Variants in NAA38 observed in about 807,000 individuals in gnomAD.
NAA38 encodes N-alpha-acetyltransferase 38, NatC auxiliary subunit.
A neutral mutation model predicts 12.6 loss-of-function variants in NAA38; 15 were observed. The observed-to-expected ratio is 1.19, with a 90% CI of 0.79 to 1.83. The LOEUF is 1.83. Among genes scored for constraint, NAA38 ranks in the 40% most tolerant of loss-of-function variants. The probability of loss-of-function intolerance (pLI) is 0.00; values close to 1 mark genes in which losing one functional copy is unlikely to be tolerated. For synonymous variants in NAA38, 88 were observed against 69.9 expected, an observed-to-expected ratio of 1.26 and a Z score of -1.29; for missense variants, 183 against 171.7, an observed-to-expected ratio of 1.07 and a Z score of -0.37.
chr17:7,857,882 C>T (rs2078843301), upstream of NAA38: 1 of 1,392,496 alleles, frequency 7.2e-7, no homozygotes, highest in East Asian at 2.7e-5. Context: ...GAAAGCGGCG[C>T]AACTCAATTA....
chr17:7,871,448 AT>A (rs1299312004), intron 2 of NAA38, among the ~76,000 whole-genome samples: 1 of 151,812 alleles, frequency 6.6e-6, no homozygotes, highest in African/African-American at 2.4e-5. Context: ...CTACTTTTGT[AT>A]TTTTTTTCTA....
intron 3 of NAA38, chr17:7,863,870 C>T (rs1597876903): frequency 6.6e-6 from 1 of 152,198 alleles, no homozygotes; most frequent in East Asian, 1.9e-4. Flanking sequence ...AATGGTCTGC[C>T]TCAGCCTGTG....
chr17:7,858,042 C>T, upstream of NAA38: 1 of 1,556,690 alleles, frequency 6.4e-7, no homozygotes, highest in Non-Finnish European at 8.7e-7. Context: ...CTCCCCTCGG[C>T]TCCCGGACGC....
At chr17:7,867,578 C>T (rs1052677959) in intron 2 of NAA38, among the ~76,000 whole-genome samples, 1 of 152,170 alleles carries the variant, frequency 6.6e-6, no homozygotes, top group African/African-American at 2.4e-5. Context: ...ACAATCCACC[C>T]GTGTGGGCCT....
At chr17:7,875,366 C>T (rs1967158235) in intron 2 of NAA38, among the ~76,000 whole-genome samples, 1 of 151,924 alleles carries the variant, frequency 6.6e-6, no homozygotes, top group South Asian at 2.1e-4. Context: ...GACAGAGTCT[C>T]ACTGTGTTGC....
intron 2 of NAA38, among the ~76,000 whole-genome samples, chr17:7,878,662 G>A (rs1967218194): frequency 6.6e-6 from 1 of 152,184 alleles, no homozygotes; most frequent in Non-Finnish European, 1.5e-5. Context: ...GGAGGCAGAG[G>A]TTGCAGTGAG....
At chr17:7,880,216 G>A (rs1202640501) in intron 2 of NAA38, among the ~76,000 whole-genome samples, 1 of 151,980 alleles carries the variant, frequency 6.6e-6, no homozygotes, top group Non-Finnish European at 1.5e-5. Flanking sequence ...GAAGAGAGGG[G>A]AGAGGGCCAA....
At chr17:7,884,071 A>AACACACACACACACACACACAC (rs149257134) in intron 1 of NAA38, among the ~76,000 whole-genome samples, 3 of 148,550 alleles carry the variant, frequency 2.0e-5, no homozygotes, top group African/African-American at 7.5e-5. Context: ...ATGCCCCCCC[A>AACACACACACACACACACACAC]ACACACACAC....
chr17:7,868,724 TTAGTAATGAA>T (rs1275922645), intron 2 of NAA38, among the ~76,000 whole-genome samples: 1 of 152,212 alleles, frequency 6.6e-6, no homozygotes, highest in African/African-American at 2.4e-5. Flanking sequence ...CATTCTTTAT[TTAGTAATGAA>T]TCCTCCCCTC....
At chr17:7,859,891 A>G (rs2078870182), upstream of NAA38, 1 of 443,228 alleles carries the variant, frequency 2.3e-6, no homozygotes, top group African/African-American at 2.0e-5. Context: ...GTTCAGGCAG[A>G]ACTGTTTGAT....
rs139654167 is a variant in NAA38 at position 7,866,697 on chromosome 17, T to A, written c.-65-139A>T. 7.8e-3 allele frequency: 3,140 copies of A among 400,516 alleles called. 10 individuals carry two copies. The highest frequency in any genetic ancestry group is 0.012 in the South Asian group (89 of 7,218). The allele number at this position is 400,516 out of a possible 1,614,324, so 24.8% of individuals were successfully genotyped here. A position where few individuals can be genotyped will look rare whatever the true frequency, so the allele number is the denominator to read the frequency against. On this transcript the variant is annotated intron_variant, in intron 2 of 4. Coordinates refer to the NAA38 transcript ENST00000576861. Reference sequence around the variant, plus strand: ...TGACACTTTATCTGATACCTCCAGTTATGTCAAGTCCCTTAACACGCCCTC... The same window carrying A: ...TGACACTTTATCTGATACCTCCAGTAATGTCAAGTCCCTTAACACGCCCTC...
chr17:7,858,512 G>A, upstream of NAA38: 1 of 1,614,118 alleles, frequency 6.2e-7, no homozygotes, highest in South Asian at 1.1e-5. Flanking sequence ...ATTGTGGGTA[G>A]AGGAAATGGA....
intron 2 of NAA38, among the ~76,000 whole-genome samples, chr17:7,872,268 T>C (rs1282397529): frequency 6.6e-6 from 1 of 152,220 alleles, no homozygotes; most frequent in Non-Finnish European, 1.5e-5. Context: ...TAAGGCCTTT[T>C]TCACCCCCAA....
At chr17:7,883,220 G>A (rs1219004132) in intron 2 of NAA38, 1 of 152,158 alleles carries the variant, frequency 6.6e-6, no homozygotes, top group Non-Finnish European at 1.5e-5. Context: ...GAAAACGCCT[G>A]GGTATAACCC....
At chr17:7,859,864 A>G, upstream of NAA38, 4 of 497,656 alleles carry the variant, frequency 8.0e-6, no homozygotes, top group Non-Finnish European at 1.1e-5. Context: ...AGGGAGATGT[A>G]GAAGAGGATA....
At chr17:7,865,357 T>C (rs1966945608) in intron 3 of NAA38, 1 of 152,222 alleles carries the variant, frequency 6.6e-6, no homozygotes, top group African/African-American at 2.4e-5. Flanking sequence ...CCTCCCTGCA[T>C]GTCAAACATA....
At chr17:7,882,808 CTTT>C (rs1339536219) in intron 2 of NAA38, among the ~76,000 whole-genome samples, 8 of 152,206 alleles carry the variant, frequency 5.3e-5, no homozygotes, top group African/African-American at 1.9e-4. Flanking sequence ...GTCACTAATA[CTTT>C]CTGGTTGCTG....
chr17:7,862,533 T>G (rs2078889949), upstream of NAA38: 2 of 150,712 alleles, frequency 1.3e-5, no homozygotes, highest in African/African-American at 4.9e-5. Context: ...AGGTCAGGAG[T>G]TCAAGACCAG....
intron 2 of NAA38, among the ~76,000 whole-genome samples, chr17:7,878,276 AATATG>A (rs920109172): frequency 2.6e-5 from 4 of 152,238 alleles, no homozygotes; most frequent in Non-Finnish European, 5.9e-5. Context: ...GCAAATCATG[AATATG>A]ATATATGAAG....
Sources: allele counts gnomAD v4.1 joint callset (sites outside exome capture counted in the v4.1 genomes callset), GRCh38; gene constraint gnomAD v4.1.1; transcripts MANE v1.5; gene names NCBI Gene and HGNC (gene_info 2026-07-23, HGNC 2026-07-21).